NIM1K: variants seen among roughly 807,000 people sequenced by gnomAD.
NIM1K encodes the protein serine/threonine-protein kinase NIM1.
Under a neutral mutation model 37.1 loss-of-function variants are expected in NIM1K, and 35 were observed. The observed-to-expected ratio is 0.94, with a 90% CI of 0.72 to 1.25. The LOEUF is 1.25. Ranked by LOEUF, NIM1K falls within the 50% of genes most tolerant of loss-of-function variation. The pLI is 0.00. For synonymous variants in NIM1K, 234 were observed against 206.6 expected (o/e 1.13, Z -1.14); for missense variants, 564 against 548.0 (o/e 1.03, Z -0.29).
intron 1 of NIM1K, among the ~76,000 whole-genome samples, chr5:43,205,925 G>A (rs925983712): frequency 6.6e-6 from 1 of 151,996 alleles, no homozygotes; most frequent in Admixed American, 6.6e-5. Flanking sequence ...TGTTAGCCAG[G>A]ATGGTCTCGA....
At chr5:43,211,364 C>T (rs1752201775) in intron 1 of NIM1K, among the ~76,000 whole-genome samples, 1 of 152,120 alleles carries the variant, frequency 6.6e-6, no homozygotes, top group African/African-American at 2.4e-5. Context: ...CATTCTTACT[C>T]TTGTAGTGGG....
chr5:43,211,119 C>T (rs985723677), intron 1 of NIM1K, among the ~76,000 whole-genome samples: 2 of 152,040 alleles, frequency 1.3e-5, no homozygotes, highest in African/African-American at 4.8e-5. Flanking sequence ...TTGCAGTGAG[C>T]CGAGATTGCG....
chr5:43,276,761 T>A (rs1753347568), intron 2 of NIM1K, among the ~76,000 whole-genome samples: 1 of 152,242 alleles, frequency 6.6e-6, no homozygotes, highest in African/African-American at 2.4e-5. Flanking sequence ...TGAGATGAGC[T>A]GGGTCTCATC....
At chr5:43,277,913 CTG>C (rs1387510798) in intron 3 of NIM1K, among the ~76,000 whole-genome samples, 1 of 151,950 alleles carries the variant, frequency 6.6e-6, no homozygotes, top group Non-Finnish European at 1.5e-5. Context: ...CTTATTGCCT[CTG>C]TGCCCAGTAG....
chr5:43,233,410 G>T (rs1164329946), intron 1 of NIM1K, among the ~76,000 whole-genome samples: 1 of 152,046 alleles, frequency 6.6e-6, no homozygotes, highest in Non-Finnish European at 1.5e-5. Flanking sequence ...TATCAGATGG[G>T]TTGCTTATTC....
At chr5:43,261,930 A>G (rs1579985953) in intron 2 of NIM1K, among the ~76,000 whole-genome samples, 1 of 152,136 alleles carries the variant, frequency 6.6e-6, no homozygotes, top group African/African-American at 2.4e-5. Context: ...GACGTGTGGT[A>G]TTATTTCAGA....
chr5:43,222,186 T>C lies in NIM1K; in HGVS notation c.-694-22896T>C, dbSNP rs563564772. ...CTTATGTCCCACATTCCCCAGGGGA[T>C]TGTCAGCTCCCTTTGTGAATTCTGA... On this transcript the variant is annotated intron_variant, in intron 1 of 3. Transcript: ENST00000326035. Among the ~76,000 whole-genome samples, 5 of 152,298 alleles carry C rather than the reference T, an allele frequency of 3.3e-5. No individual in the cohort carries two copies. In the East Asian group the frequency reaches 7.7e-4, roughly 23 times the overall value.
intron 1 of NIM1K, among the ~76,000 whole-genome samples, chr5:43,223,155 AAAAAAGTT>A (rs1455044216): frequency 6.6e-6 from 1 of 151,932 alleles, no homozygotes; most frequent in African/African-American, 2.4e-5. Context: ...AAAAAAAAAA[AAAAAAGTT>A]AGGTTGTTAT....
intron 1 of NIM1K, among the ~76,000 whole-genome samples, chr5:43,205,763 A>G (rs1752100513): frequency 1.3e-5 from 2 of 152,014 alleles, no homozygotes; most frequent in African/African-American, 4.8e-5. Context: ...CCCAGGCTGG[A>G]GTGTAGTCTT....
chr5:43,227,702 T>A (rs1406645041), intron 1 of NIM1K, among the ~76,000 whole-genome samples: 1 of 152,200 alleles, frequency 6.6e-6, no homozygotes, highest in Non-Finnish European at 1.5e-5. Flanking sequence ...TTTTAAAAAA[T>A]TTATTATTTA....
intron 1 of NIM1K, chr5:43,233,071 T>C: frequency 7.5e-7 from 1 of 1,331,992 alleles, no homozygotes. Context: ...ACTTGGCATC[T>C]GGCCATTGGG....
intron 2 of NIM1K, among the ~76,000 whole-genome samples, chr5:43,273,329 A>C (rs1177911238): frequency 1.3e-5 from 2 of 151,432 alleles, no homozygotes; most frequent in African/African-American, 4.9e-5. Context: ...TCAGCCTCCC[A>C]AGTAGCCAGA....
At chr5:43,258,756 A>G (rs973017295) in intron 2 of NIM1K, among the ~76,000 whole-genome samples, 2 of 151,838 alleles carry the variant, frequency 1.3e-5, no homozygotes, top group African/African-American at 4.8e-5. Context: ...ATGCATTTTT[A>G]TTGGGGACAT....
chr5:43,217,545 C>T (rs1752318289), intron 1 of NIM1K, among the ~76,000 whole-genome samples: 1 of 151,334 alleles, frequency 6.6e-6, no homozygotes, highest in Middle Eastern at 3.2e-3. Context: ...ACACCCTTGC[C>T]AACACTTGTT....
intron 2 of NIM1K, 88 bp from the exon 3 acceptor site, chr5:43,276,969 G>T: frequency 7.5e-7 from 1 of 1,340,954 alleles, no homozygotes; most frequent in Non-Finnish European, 1.0e-6. Context: ...TCTCTGTCTA[G>T]TAAAGGAAAG....
chr5:43,216,609 C>T (rs1400134023), intron 1 of NIM1K, among the ~76,000 whole-genome samples: 1 of 152,176 alleles, frequency 6.6e-6, no homozygotes, highest in African/African-American at 2.4e-5. Context: ...TCCTTTGTCT[C>T]CTAATCCACA....
chr5:43,196,324 G>C (rs1751913219), intron 1 of NIM1K, among the ~76,000 whole-genome samples: 3 of 152,114 alleles, frequency 2.0e-5, no homozygotes, highest in Non-Finnish European at 1.5e-5. Context: ...AATTTTATGA[G>C]AGTATATTAA....
At chr5:43,233,250 TG>T in intron 1 of NIM1K, 1 of 663,184 alleles carries the variant, frequency 1.5e-6, no homozygotes, top group Non-Finnish European at 2.5e-6. Context: ...GACTCTTAGG[TG>T]ATTGATATAA....
At chr5:43,226,252 G>A (rs1752455412) in intron 1 of NIM1K, among the ~76,000 whole-genome samples, 1 of 152,230 alleles carries the variant, frequency 6.6e-6, no homozygotes, top group South Asian at 2.1e-4. Flanking sequence ...GTGACATGAT[G>A]TGATATTTTT....
Sources: allele counts gnomAD v4.1 joint callset (sites outside exome capture counted in the v4.1 genomes callset), GRCh38; gene constraint gnomAD v4.1.1; transcripts MANE v1.5; gene names NCBI Gene and HGNC (gene_info 2026-07-23, HGNC 2026-07-21).